Variants in ROBO1 observed in about 807,000 individuals in gnomAD.
ROBO1 encodes roundabout homolog 1.
Under a neutral mutation model 195.9 loss-of-function variants are expected in ROBO1, and 149 were observed. The observed-to-expected ratio is 0.76, with a 90% CI of 0.67 to 0.87. The LOEUF (loss-of-function observed/expected upper bound fraction) is 0.87. Among genes scored for constraint, ROBO1 ranks in the 40% least tolerant of loss-of-function variants. The probability of loss-of-function intolerance (pLI) is 0.00; values close to 1 mark genes in which losing one functional copy is unlikely to be tolerated. For synonymous variants in ROBO1, 816 were observed against 733.2 expected (o/e 1.11, Z -1.82); for missense variants, 1,933 against 2,068.3 (o/e 0.93, Z 1.27).
At chr3:79,397,066 G>A (rs936696899) in intron 2 of ROBO1, among the ~76,000 whole-genome samples, 16 of 151,784 alleles carry the variant, frequency 1.1e-4, no homozygotes, top group Non-Finnish European at 1.5e-4. Flanking sequence ...ATACTAAAAC[G>A]TGAAAAATAT....
At chr3:79,264,345 G>A (rs1038937387) in intron 2 of ROBO1, among the ~76,000 whole-genome samples, 9 of 151,162 alleles carry the variant, frequency 6.0e-5, no homozygotes, top group Non-Finnish European at 1.3e-4. Flanking sequence ...ATATATATAT[G>A]TATGTATCTT....
At chr3:79,538,242 A>G (rs184037142) in intron 2 of ROBO1, among the ~76,000 whole-genome samples, 55 of 152,310 alleles carry the variant, frequency 3.6e-4, no homozygotes, top group African/African-American at 1.3e-3. Context: ...GATTTAATGT[A>G]TCTTTCCAAT....
At position 79,125,513 on chromosome 3, in the gene ROBO1, C is replaced by G. The variant is rs369966821; in HGVS notation, c.115G>C (p.Asp39His). 6.2e-7 allele frequency: 1 copy of G among 1,613,466 alleles called. No individual in the cohort carries two copies. The highest frequency in any genetic ancestry group is 8.5e-7 in the Non-Finnish European group (1 of 1,179,764). ...GAGGTGGGGATTGGCGTCCCGTGGT[C>G]GTTCCCCCTCTCTACATCTTCAGGG... ...PDPEDVERGNDHGTPIPTSDN... is the reference protein window; with the variant it reads ...PDPEDVERGNHHGTPIPTSDN... The change falls in exon 3 of 31, where the codon GAC becomes CAC. Residue 39 changes from aspartate to histidine, a missense_variant. This residue lies in a region of ROBO1 where 185 missense variants were observed against 159.5 expected (regional missense o/e 1.16). Transcript: ENST00000464233.
intron 4 of ROBO1, among the ~76,000 whole-genome samples, chr3:78,906,275 T>C (rs2037910169): frequency 6.6e-6 from 1 of 152,074 alleles, no homozygotes; most frequent in Admixed American, 6.6e-5. Context: ...CACAGCTGCA[T>C]TTCAACTAGG....
chr3:79,266,094 A>G (rs1459048925), intron 2 of ROBO1, among the ~76,000 whole-genome samples: 2 of 151,618 alleles, frequency 1.3e-5, no homozygotes, highest in Admixed American at 1.3e-4. Context: ...GCATTTACCC[A>G]TGAGCTATTA....
intron 4 of ROBO1, among the ~76,000 whole-genome samples, chr3:78,867,111 T>C (rs1306885199): frequency 6.6e-6 from 1 of 152,232 alleles, no homozygotes; most frequent in African/African-American, 2.4e-5. Context: ...AACAACTCAG[T>C]ATTTCATTAA....
intron 2 of ROBO1, among the ~76,000 whole-genome samples, chr3:79,463,320 A>G (rs1339086937): frequency 6.6e-6 from 1 of 151,728 alleles, no homozygotes; most frequent in Non-Finnish European, 1.5e-5. Flanking sequence ...GCTTGCAGTG[A>G]GCTGAGGTCG....
At chr3:78,753,183 GTTTATTTACATAC>G (rs765341052) in intron 4 of ROBO1, among the ~76,000 whole-genome samples, 5 of 152,100 alleles carry the variant, frequency 3.3e-5, no homozygotes, top group Admixed American at 2.6e-4. Flanking sequence ...CTAGCAAATT[GTTTATTTACATAC>G]TGTATGATGG....
At chr3:78,868,457 G>A (rs1405964228) in intron 4 of ROBO1, among the ~76,000 whole-genome samples, 1 of 152,012 alleles carries the variant, frequency 6.6e-6, no homozygotes, top group Non-Finnish European at 1.5e-5. Context: ...TTTAATATGT[G>A]TTTAAAATGT....
chr3:78,614,506 C>T (rs2872005), intron 28 of ROBO1, 142 bp downstream of exon 28: 317,912 of 829,026 alleles, frequency 0.38, 65,255 homozygotes, highest in Admixed American at 0.49. Flanking sequence ...GTAAGTAGGT[C>T]GCTTCTATAA....
chr3:79,422,230 A>T (rs2106944008), intron 2 of ROBO1, among the ~76,000 whole-genome samples: 1 of 149,634 alleles, frequency 6.7e-6, no homozygotes, highest in African/African-American at 2.4e-5. Context: ...GTATCATTAT[A>T]TATTGTAAAT....
In ROBO1 at chr3:78,673,562, T is replaced by A. The variant is rs866570144; in HGVS notation, c.1343-3261A>T. Among the ~76,000 whole-genome samples, 95 of 63,362 alleles carry A rather than the reference T, an allele frequency of 1.5e-3. 1 individual carries two copies. Among genetic ancestry groups the A allele is most frequent in the Non-Finnish European group, 2.4e-3 (73 of 30,934 alleles). 41.6% of individuals were successfully genotyped at this position (63,362 alleles called of 152,430 possible). A position where few individuals can be genotyped will look rare whatever the true frequency, so the allele number is the denominator to read the frequency against. The stretch of plus-strand genomic sequence containing the variant: ...ATATTACAGCTAGGTTACATATATT[T>A]TATATATATATATATATATATATAT... On this transcript the variant is annotated intron_variant, in intron 10 of 30. Coordinates refer to ENST00000464233, the MANE Select transcript of ROBO1 (RefSeq NM_002941.4).
intron 2 of ROBO1, among the ~76,000 whole-genome samples, chr3:79,161,886 C>T (rs1576755589): frequency 6.6e-6 from 1 of 152,134 alleles, no homozygotes; most frequent in East Asian, 1.9e-4. Flanking sequence ...TGGGCAGAAT[C>T]CATAATTTCA....
chr3:78,651,210 G>C (rs1021943160), intron 19 of ROBO1, among the ~76,000 whole-genome samples: 7 of 152,000 alleles, frequency 4.6e-5, no homozygotes, highest in African/African-American at 1.5e-4. Context: ...ATAATAAAAA[G>C]GGACTAACCC....
chr3:79,187,307 T>C (rs1018705398), intron 2 of ROBO1, among the ~76,000 whole-genome samples: 2 of 151,978 alleles, frequency 1.3e-5, no homozygotes, highest in African/African-American at 4.8e-5. Flanking sequence ...AGTTTCTACA[T>C]TGTCTCTAAA....
At chr3:78,845,715 G>C (rs938670433) in intron 4 of ROBO1, among the ~76,000 whole-genome samples, 10 of 148,644 alleles carry the variant, frequency 6.7e-5, no homozygotes, top group African/African-American at 1.0e-4. Flanking sequence ...TCATGTCTGG[G>C]GAACCCCCGG....
intron 1 of ROBO1, among the ~76,000 whole-genome samples, chr3:79,684,578 A>G (rs892620398): frequency 1.3e-5 from 2 of 151,882 alleles, no homozygotes; most frequent in African/African-American, 4.8e-5. Flanking sequence ...TTTGACTAAT[A>G]TTCTTCTTTT....
chr3:78,788,062 C>A (rs1374338558), intron 4 of ROBO1, among the ~76,000 whole-genome samples: 1 of 151,648 alleles, frequency 6.6e-6, no homozygotes, highest in East Asian at 2.0e-4. Flanking sequence ...GCCTCAGCCT[C>A]CCGAGTAGCT....
chr3:79,369,212 C>T (rs1474641599), intron 2 of ROBO1, among the ~76,000 whole-genome samples: 1 of 152,122 alleles, frequency 6.6e-6, no homozygotes, highest in Non-Finnish European at 1.5e-5. Context: ...AAACTCAATC[C>T]AGAGAGATAC....
Sources: gnomAD v4.1 joint callset for allele counts (sites outside exome capture counted in the v4.1 genomes callset) on GRCh38, gnomAD v4.1.1 for gene constraint, gnomAD v4.1.1 regional missense constraint, MANE v1.5 for transcripts, NCBI Gene and HGNC (gene_info 2026-07-23, HGNC 2026-07-21) for gene names.